RABL3: variants seen among roughly 807,000 people sequenced by gnomAD.
The protein encoded by RABL3 is rab-like protein 3.
In RABL3, 31 loss-of-function variants were observed where a neutral mutation model predicts 31.8. The ratio of observed to expected loss-of-function variants is 0.97; its 90% CI spans 0.73 to 1.31. RABL3 has a LOEUF of 1.31. Among genes scored for constraint, RABL3 ranks in the 40% most tolerant of loss-of-function variants. RABL3 has a pLI of 0.00. For missense variants in RABL3, 263 were observed against 279.6 expected (o/e 0.94, Z 0.42); for synonymous variants, 97 against 99.9 (o/e 0.97, Z 0.18).
intron 2 of RABL3, among the ~76,000 whole-genome samples, chr3:120,711,265 C>T (rs1218981023): frequency 2.0e-5 from 3 of 152,080 alleles, no homozygotes; most frequent in Non-Finnish European, 4.4e-5. Flanking sequence ...TTTATTCTTC[C>T]AGTTACTTGG....
At chr3:120,692,613 A>G (rs573996207) in intron 6 of RABL3, among the ~76,000 whole-genome samples, 2 of 152,216 alleles carry the variant, frequency 1.3e-5, no homozygotes, top group East Asian at 1.9e-4. Flanking sequence ...GGTCTGGCCA[A>G]CCTCCTAACC....
intron 2 of RABL3, chr3:120,710,320 ATTCT>A (rs1287141711): frequency 6.5e-6 from 1 of 153,726 alleles, no homozygotes; most frequent in Non-Finnish European, 1.4e-5. Flanking sequence ...AGATGAATGG[ATTCT>A]TTCTAAATTT....
intron 5 of RABL3, among the ~76,000 whole-genome samples, chr3:120,697,333 A>G (rs1210045378): frequency 1.3e-5 from 2 of 152,252 alleles, no homozygotes; most frequent in Non-Finnish European, 1.5e-5. Flanking sequence ...ATCTTTAAAA[A>G]GAGGATAGTA....
intron 2 of RABL3, chr3:120,722,417 T>A (rs1265063228): frequency 1.3e-5 from 2 of 152,188 alleles, no homozygotes; most frequent in Non-Finnish European, 2.9e-5. Flanking sequence ...ATTTCATAAC[T>A]TTGTCAAAGT....
intron 6 of RABL3, among the ~76,000 whole-genome samples, chr3:120,693,686 T>C (rs1201500090): frequency 2.6e-5 from 4 of 152,186 alleles, no homozygotes. Flanking sequence ...AATGCAAATA[T>C]TTCTGAGAGG....
At chr3:120,692,589 C>A (rs1260988737) in intron 6 of RABL3, among the ~76,000 whole-genome samples, 3 of 152,182 alleles carry the variant, frequency 2.0e-5, no homozygotes, top group African/African-American at 7.2e-5. Context: ...TTCAGGCAAC[C>A]ACCTCAGTCT....
chr3:120,706,180 A>C, intron 3 of RABL3, 66 bp from the exon 4 acceptor site: 3 of 1,031,242 alleles, frequency 2.9e-6, no homozygotes, highest in Non-Finnish European at 4.5e-6. Flanking sequence ...AATTGGCCAA[A>C]TGAAGCTTAG....
chr3:120,724,053 T>C (rs1576343612), intron 2 of RABL3, among the ~76,000 whole-genome samples: 1 of 152,160 alleles, frequency 6.6e-6, no homozygotes, highest in East Asian at 1.9e-4. Flanking sequence ...GAAAACCCCA[T>C]CGTCTCAGCC....
At chr3:120,734,158 T>C (rs1257806438) in intron 1 of RABL3, among the ~76,000 whole-genome samples, 1 of 152,228 alleles carries the variant, frequency 6.6e-6, no homozygotes, top group Non-Finnish European at 1.5e-5. Context: ...TTTCATGATA[T>C]TGATTCTTCC....
At chr3:120,703,216 A>C (rs978803514) in intron 4 of RABL3, among the ~76,000 whole-genome samples, 2 of 152,146 alleles carry the variant, frequency 1.3e-5, no homozygotes, top group African/African-American at 2.4e-5. Flanking sequence ...TGTTGCACAA[A>C]TATAAAATAA....
Position 120,720,645 on chromosome 3 carries a change from A to G in RABL3, c.138+10051T>C, listed in dbSNP as rs535049312. Among the ~76,000 whole-genome samples the G allele has an allele frequency of 1.3e-4, 20 of 152,350 alleles. No individual in the cohort carries two copies. In the East Asian group the frequency reaches 3.1e-3, roughly 24 times the overall value. On this transcript the variant is annotated intron_variant, in intron 2 of 7. Transcript: ENST00000273375. ...AGATAATTTTAGAGAAAAAAGAATA[A>G]AAAGAAAGGAACAAAGCCTCCAAGA...
At position 120,723,088 on chromosome 3, in the gene RABL3, A is replaced by G. The variant is rs180796322; in HGVS notation, c.138+7608T>C. 2.3e-3 allele frequency among the ~76,000 whole-genome samples: 348 copies of G among 152,336 alleles called. 3 individuals are homozygous for G. The highest frequency in any genetic ancestry group is 7.8e-3 in the African/African-American group (326 of 41,574). On this transcript the variant is annotated intron_variant, in intron 2 of 7. Coordinates refer to ENST00000273375, the MANE Select transcript of RABL3 (RefSeq NM_173825.5). ...AGAAGAAAAGACAGAAGAATCAAATAGATGCAATAAAAAATGATAAAGGGG... is the reference window on the plus strand; with the variant it reads ...AGAAGAAAAGACAGAAGAATCAAATGGATGCAATAAAAAATGATAAAGGGG...
At chr3:120,734,623 G>A (rs1708931905) in intron 1 of RABL3, among the ~76,000 whole-genome samples, 2 of 152,174 alleles carry the variant, frequency 1.3e-5, no homozygotes, top group Non-Finnish European at 2.9e-5. Flanking sequence ...TCTTGTGCCA[G>A]TTTTCAAAGT....
At chr3:120,691,155 AAT>A (rs1659718729) in intron 6 of RABL3, among the ~76,000 whole-genome samples, 1 of 152,192 alleles carries the variant, frequency 6.6e-6, no homozygotes. Context: ...AAACCCTCAA[AAT>A]ATATGTCCAA....
At chr3:120,740,614 G>T (rs559792676) in intron 1 of RABL3, among the ~76,000 whole-genome samples, 1 of 152,140 alleles carries the variant, frequency 6.6e-6, no homozygotes, top group African/African-American at 2.4e-5. Context: ...AAGGGAAATG[G>T]CCTTTATTTA....
At chr3:120,728,716 AAAG>A (rs1170069687) in intron 2 of RABL3, among the ~76,000 whole-genome samples, 3 of 152,136 alleles carry the variant, frequency 2.0e-5, no homozygotes, top group Non-Finnish European at 4.4e-5. Flanking sequence ...AATAAACAAA[AAAG>A]AAAAAAAAAT....
At position 120,735,461 on chromosome 3, in the gene RABL3, G is replaced by T. The variant is rs1205257311; in HGVS notation, c.47-4674C>A. Among the ~76,000 whole-genome samples, 7 of 152,194 alleles carry T rather than the reference G, an allele frequency of 4.6e-5. 1 individual carries two copies. The South Asian group carries it at 1.5e-3, about 32-fold the overall frequency. ...GTCTTCTTTATTAGTCTTGCTAGTGGTCTATCAATTTTGTTGATCTTTTCA... is the reference window on the plus strand; with the variant it reads ...GTCTTCTTTATTAGTCTTGCTAGTGTTCTATCAATTTTGTTGATCTTTTCA... On this transcript the variant is annotated intron_variant, in intron 1 of 7. Coordinates refer to ENST00000273375, the MANE Select transcript of RABL3 (RefSeq NM_173825.5).
In RABL3 at chr3:120,698,500, G is replaced by C. The variant is rs371895451; in HGVS notation, c.457C>G (p.His153Asp). The part of the protein sequence containing the change: ...LVIGTKLDQI[H>D]ETKRHEVLTR... ...AAAACTTCATGGCGCTTTGTTTCAT[G>C]AATCTGGTCCAGTTTAGTCCCTATT... Residue 153 changes from histidine (H) to aspartate (D), a missense_variant, in exon 5 of 8, where the codon CAT becomes GAT. Transcript: ENST00000273375. The C allele has an allele frequency of 3.1e-6, 5 of 1,613,790 alleles. No individual in the cohort carries two copies. The highest frequency in any genetic ancestry group is 2.7e-5 in the African/African-American group (2 of 74,922).
chr3:120,709,752 A>G lies in RABL3; in HGVS notation c.268+28T>C, dbSNP rs1053280062. The G allele has an allele frequency of 3.2e-6, 5 of 1,542,512 alleles. No homozygotes were observed. The African/African-American group carries it at 5.5e-5, about 17-fold the overall frequency. On this transcript the variant is annotated intron_variant, in intron 3 of 7. Coordinates refer to ENST00000273375, the MANE Select transcript of RABL3 (RefSeq NM_173825.5). ...TGATCTATACTCTTAGACCATTAAT[A>G]TAAGATAGAAATTTAAAAATGTTTT...
Sources: allele counts gnomAD v4.1 joint callset (sites outside exome capture counted in the v4.1 genomes callset), GRCh38; gene constraint gnomAD v4.1.1; transcripts MANE v1.5; gene names NCBI Gene and HGNC (gene_info 2026-07-23, HGNC 2026-07-21).